Variants in FIP1L1 observed in about 807,000 individuals in gnomAD.
FIP1L1 encodes pre-mRNA 3'-end-processing factor FIP1.
In FIP1L1, 21 loss-of-function variants were observed where a neutral mutation model predicts 84.6. That is an observed-to-expected ratio of 0.25 (90% confidence interval 0.18 to 0.36). The LOEUF (loss-of-function observed/expected upper bound fraction) is 0.36, where lower values mean the gene tolerates loss of function less well. Ranked by LOEUF, FIP1L1 falls within the 10% of genes least tolerant of loss-of-function variation. FIP1L1 has a pLI of 1.00. For synonymous variants in FIP1L1, 263 were observed against 242.3 expected, an observed-to-expected ratio of 1.09 and a Z score of -0.80; for missense variants, 526 against 751.1, an observed-to-expected ratio of 0.70 and a Z score of 3.50.
intron 10 of FIP1L1, among the ~76,000 whole-genome samples, chr4:53,406,285 G>T (rs1337141513): frequency 6.6e-6 from 1 of 152,104 alleles, no homozygotes; most frequent in Admixed American, 6.5e-5. Context: ...TTTTGTCTTT[G>T]GTTCTGTTTA....
chr4:53,422,313 A>G (rs1171514882), intron 11 of FIP1L1, among the ~76,000 whole-genome samples: 1 of 151,912 alleles, frequency 6.6e-6, no homozygotes, highest in Non-Finnish European at 1.5e-5. Context: ...TGTTTCATGA[A>G]TCTTTTTTAG....
chr4:53,454,455 A>G (rs565048576), intron 16 of FIP1L1, among the ~76,000 whole-genome samples: 121 of 152,296 alleles, frequency 7.9e-4, no homozygotes, highest in African/African-American at 2.9e-3. Context: ...TATACCGCAA[A>G]TTTTGAAAAT....
chr4:53,426,560 A>G (rs1358539317), intron 12 of FIP1L1, among the ~76,000 whole-genome samples: 2 of 152,118 alleles, frequency 1.3e-5, no homozygotes, highest in Non-Finnish European at 2.9e-5. Context: ...CAACTTGTAT[A>G]TAGGTTTACT....
In FIP1L1 at chr4:53,409,427, G is replaced by A. The variant is rs548776612; in HGVS notation, c.816-5188G>A. Among the ~76,000 whole-genome samples the A allele has an allele frequency of 5.9e-5, 9 of 152,322 alleles. No homozygotes were observed. The East Asian group carries it at 1.7e-3, about 29-fold the overall frequency. On this transcript the variant is annotated intron_variant, in intron 10 of 17. Coordinates refer to ENST00000337488, the MANE Select transcript of FIP1L1 (RefSeq NM_030917.4). The stretch of plus-strand genomic sequence containing the variant: ...CCTACTGGGGGGTGTCTCCCACTTA[G>A]ACTGCTCGGGGGTCAAGGGTCAGGG...
intron 10 of FIP1L1, among the ~76,000 whole-genome samples, chr4:53,408,571 A>G (rs1755159754): frequency 6.6e-6 from 1 of 152,164 alleles, no homozygotes; most frequent in African/African-American, 2.4e-5. Flanking sequence ...GTTCTCCTGG[A>G]TAATATCCTG....
intron 11 of FIP1L1, among the ~76,000 whole-genome samples, chr4:53,424,427 G>A (rs1205638829): frequency 6.6e-6 from 1 of 152,070 alleles, no homozygotes; most frequent in Non-Finnish European, 1.5e-5. Context: ...AGCTGTATTG[G>A]AGGATATGTT....
chr4:53,442,078 T>A (rs924224854), intron 13 of FIP1L1, among the ~76,000 whole-genome samples: 1 of 152,014 alleles, frequency 6.6e-6, no homozygotes, highest in Admixed American at 6.6e-5. Flanking sequence ...TTATATTCCT[T>A]CCAAACTAAT....
chr4:53,378,013 C>T (rs1297568080), intron 1 of FIP1L1, 90 bp downstream of exon 1: 3 of 1,158,542 alleles, frequency 2.6e-6, no homozygotes, highest in African/African-American at 3.2e-5. Context: ...TCTCGCGCCG[C>T]CGCTTCGGGC....
intron 15 of FIP1L1, among the ~76,000 whole-genome samples, chr4:53,446,572 TC>T (rs1213906807): frequency 2.6e-5 from 4 of 152,202 alleles, no homozygotes; most frequent in African/African-American, 9.7e-5. Flanking sequence ...ATCGTTTTTT[TC>T]ATCTGTAAAA....
rs57635694 is a variant in FIP1L1, at chr4:53,417,642, CAA to C, written c.923+2943_923+2944del. Among the ~76,000 whole-genome samples the C allele has an allele frequency of 2.6e-4, 12 of 46,352 alleles. No individual in the cohort carries two copies. In the East Asian group the frequency reaches 2.7e-3, roughly 10 times the overall value. 30.4% of individuals were successfully genotyped at this position (46,352 alleles called of 152,430 possible). ...AGGCAACAACAGCAAAACTCCTTCTCAAAAAAAAAAAAAAAAAAAAAAAAGAA... is the reference window on the plus strand; with the variant it reads ...AGGCAACAACAGCAAAACTCCTTCTCAAAAAAAAAAAAAAAAAAAAAAGAA... On this transcript the variant is annotated intron_variant, in intron 11 of 17. Transcript: ENST00000337488.
chr4:53,440,699 G>C (rs1771489303), intron 13 of FIP1L1: 1 of 857,888 alleles, frequency 1.2e-6, no homozygotes, highest in Non-Finnish European at 1.9e-6. Flanking sequence ...GATGCGGTTA[G>C]AATATGGAAT....
intron 5 of FIP1L1, among the ~76,000 whole-genome samples, chr4:53,389,577 G>T (rs527553317): frequency 1.3e-5 from 2 of 152,222 alleles, no homozygotes; most frequent in Non-Finnish European, 2.9e-5. Flanking sequence ...CAGCATTTTG[G>T]GAAGCCAAGG....
chr4:53,404,215 G>C (rs1378465045), intron 10 of FIP1L1, among the ~76,000 whole-genome samples: 1 of 127,256 alleles, frequency 7.9e-6, no homozygotes, highest in Admixed American at 1.0e-4. Context: ...CTGTGTCCAT[G>C]TGTTCTCATT....
At chr4:53,440,824 T>C (rs940094275) in intron 13 of FIP1L1, 3 of 487,322 alleles carry the variant, frequency 6.2e-6, no homozygotes, top group Non-Finnish European at 1.1e-5. Context: ...GAAATAGAGA[T>C]TCTGAGAAAA....
In FIP1L1 at chr4:53,411,701, T is replaced by C. The variant is rs535932983; in HGVS notation, c.816-2914T>C. Among the ~76,000 whole-genome samples, 300 of 152,308 alleles carry C rather than the reference T, an allele frequency of 2.0e-3. 2 individuals carry two copies. Among genetic ancestry groups the C allele is most frequent in the African/African-American group, 7.1e-3 (294 of 41,558 alleles). On this transcript the variant is annotated intron_variant, in intron 10 of 17. Transcript: ENST00000337488. ...GCCTTATTAATGTATATGTAAGTGT[T>C]GATATGCTTGCACAGAACTTTTAAA...
intron 13 of FIP1L1, chr4:53,442,124 A>T (rs536153835): frequency 6.5e-6 from 1 of 152,832 alleles, no homozygotes; most frequent in East Asian, 1.9e-4. Flanking sequence ...TTTGTAAAAC[A>T]GTTTGTTAGG....
At chr4:53,394,728 A>C (rs1560500099) in intron 9 of FIP1L1, among the ~76,000 whole-genome samples, 1 of 149,260 alleles carries the variant, frequency 6.7e-6, no homozygotes, top group Non-Finnish European at 1.5e-5. Context: ...AAATTGTGAT[A>C]ATTTATTTAT....
chr4:53,401,190 A>G (rs927291806), intron 10 of FIP1L1, among the ~76,000 whole-genome samples: 2 of 152,222 alleles, frequency 1.3e-5, no homozygotes, highest in African/African-American at 4.8e-5. Context: ...AATACTCTAG[A>G]TGTTTGCTAT....
chr4:53,428,222 T>C (rs1314245018), intron 13 of FIP1L1, 39 bp downstream of exon 13: 2 of 1,496,050 alleles, frequency 1.3e-6, no homozygotes, highest in African/African-American at 2.8e-5. Flanking sequence ...GAAAGAAAAA[T>C]AGCTTGCGAG....
Sources: allele counts gnomAD v4.1 joint callset (sites outside exome capture counted in the v4.1 genomes callset), GRCh38; gene constraint gnomAD v4.1.1; transcripts MANE v1.5; gene names NCBI Gene and HGNC (gene_info 2026-07-23, HGNC 2026-07-21).